ERBB4: variants seen among roughly 807,000 people sequenced by gnomAD.
ERBB4 encodes the protein receptor tyrosine-protein kinase erbB-4.
A neutral mutation model predicts 158.0 loss-of-function variants in ERBB4; 42 were observed. The ratio of observed to expected loss-of-function variants is 0.27; its 90% CI spans 0.21 to 0.34. The LOEUF is 0.34. Ranked by LOEUF, ERBB4 falls within the 10% of genes least tolerant of loss-of-function variation. ERBB4 has a pLI of 1.00. For missense variants in ERBB4, 1,333 were observed against 1,624.1 expected, an observed-to-expected ratio of 0.82 and a Z score of 3.08; for synonymous variants, 583 against 558.7, an observed-to-expected ratio of 1.04 and a Z score of -0.61.
At chr2:212,121,905 C>A (rs1431975285) in intron 2 of ERBB4, among the ~76,000 whole-genome samples, 1 of 152,086 alleles carries the variant, frequency 6.6e-6, no homozygotes, top group Non-Finnish European at 1.5e-5. Flanking sequence ...GGATTTAATT[C>A]AAGCACTCCT....
chr2:211,442,233 T>C (rs185408604), intron 20 of ERBB4, among the ~76,000 whole-genome samples: 6 of 152,228 alleles, frequency 3.9e-5, no homozygotes, highest in Non-Finnish European at 5.9e-5. Flanking sequence ...ACACTCTTCC[T>C]ACCATGCTAC....
intron 1 of ERBB4, among the ~76,000 whole-genome samples, chr2:212,172,172 T>C (rs2081537951): frequency 6.6e-6 from 1 of 152,032 alleles, no homozygotes; most frequent in Non-Finnish European, 1.5e-5. Flanking sequence ...AAGCTCAATA[T>C]CACTGATCAT....
At chr2:212,503,417 G>A (rs956180157) in intron 1 of ERBB4, among the ~76,000 whole-genome samples, 1 of 152,102 alleles carries the variant, frequency 6.6e-6, no homozygotes, top group Non-Finnish European at 1.5e-5. Flanking sequence ...GCAAACACAG[G>A]TGTTAAGTAA....
chr2:212,538,385 G>A (rs1693227772), intron 1 of ERBB4, 64 bp downstream of exon 1: 1 of 1,411,356 alleles, frequency 7.1e-7, no homozygotes, highest in Non-Finnish European at 1.0e-6. Context: ...GGGCAGGGGA[G>A]CCACTCGAGG....
chr2:212,045,987 C>T (rs1418046062), intron 2 of ERBB4, among the ~76,000 whole-genome samples: 1 of 152,184 alleles, frequency 6.6e-6, no homozygotes, highest in Non-Finnish European at 1.5e-5. Flanking sequence ...CCGTCTTAGA[C>T]TCACTGGTAT....
At chr2:212,354,639 TACAG>T (rs1385053447) in intron 1 of ERBB4, among the ~76,000 whole-genome samples, 1 of 152,112 alleles carries the variant, frequency 6.6e-6, no homozygotes, top group Non-Finnish European at 1.5e-5. Context: ...CAAATCTGTT[TACAG>T]ACAGAGAGTG....
intron 1 of ERBB4, among the ~76,000 whole-genome samples, chr2:212,213,809 T>C (rs1359541271): frequency 1.3e-5 from 2 of 151,826 alleles, no homozygotes; most frequent in Non-Finnish European, 2.9e-5. Flanking sequence ...GGCTATTTAA[T>C]TGCTTTCTAT....
At chr2:212,128,466 G>A (rs960051910) in intron 1 of ERBB4, among the ~76,000 whole-genome samples, 2 of 152,162 alleles carry the variant, frequency 1.3e-5, no homozygotes, top group South Asian at 2.1e-4. Context: ...GCTAAAATAT[G>A]AGCCATCATC....
chr2:212,487,235 G>A (rs1212746093), intron 1 of ERBB4, among the ~76,000 whole-genome samples: 8 of 152,034 alleles, frequency 5.3e-5, no homozygotes, highest in Admixed American at 5.2e-4. Flanking sequence ...TCTGTTTAAA[G>A]CTGTAATTCA....
chr2:211,876,413 T>C lies in ERBB4; in HGVS notation c.421+71017A>G, dbSNP rs577500429. On this transcript the variant is annotated intron_variant, in intron 3 of 27. Coordinates refer to ENST00000342788, the MANE Select transcript of ERBB4 (RefSeq NM_005235.3). Reference sequence around the variant, plus strand: ...TACACTTTCACCATTATGCGATGTGTATTCATACTGGAGCCTTGTTTATTT... The same window carrying C: ...TACACTTTCACCATTATGCGATGTGCATTCATACTGGAGCCTTGTTTATTT... Among the ~76,000 whole-genome samples the C allele has an allele frequency of 1.1e-4, 16 of 152,280 alleles. No individual in the cohort carries two copies. The South Asian group carries it at 1.9e-3, about 18-fold the overall frequency.
At chr2:211,602,088 G>C (rs985414096) in intron 19 of ERBB4, among the ~76,000 whole-genome samples, 7 of 152,212 alleles carry the variant, frequency 4.6e-5, no homozygotes, top group Middle Eastern at 6.8e-3. Flanking sequence ...TTCTGGCACA[G>C]GTTTGGGAGT....
At chr2:211,818,626 A>G (rs79366460) in intron 3 of ERBB4, among the ~76,000 whole-genome samples, 6,688 of 152,216 alleles carry the variant, frequency 0.044, 250 homozygotes, top group Non-Finnish European at 0.066. Context: ...ATAAAGGATA[A>G]TATCTCTGAC....
At chr2:211,759,322 C>T (rs559169436) in intron 4 of ERBB4, among the ~76,000 whole-genome samples, 1 of 152,236 alleles carries the variant, frequency 6.6e-6, no homozygotes, top group African/African-American at 2.4e-5. Context: ...CACCCTGGCC[C>T]CTTTACAATC....
intron 3 of ERBB4, among the ~76,000 whole-genome samples, chr2:211,875,125 G>T (rs1388215192): frequency 1.4e-5 from 2 of 142,366 alleles, no homozygotes; most frequent in African/African-American, 2.6e-5. Context: ...AGACATATCT[G>T]CATTTCTTTG....
intron 1 of ERBB4, among the ~76,000 whole-genome samples, chr2:212,333,258 G>C (rs2088265383): frequency 1.3e-5 from 2 of 151,954 alleles, no homozygotes; most frequent in African/African-American, 4.8e-5. Context: ...TGGAGTCCCA[G>C]TTGATCATCC....
chr2:212,475,607 G>A (rs141475494), intron 1 of ERBB4, among the ~76,000 whole-genome samples: 1 of 151,980 alleles, frequency 6.6e-6, no homozygotes. Context: ...ACCTACTCAT[G>A]AATCTCTTTC....
chr2:211,556,338 G>A (rs771399201), intron 20 of ERBB4, among the ~76,000 whole-genome samples: 4 of 151,904 alleles, frequency 2.6e-5, no homozygotes, highest in African/African-American at 7.3e-5. Flanking sequence ...CAATAATAGC[G>A]GGAAACTTCA....
intron 1 of ERBB4, among the ~76,000 whole-genome samples, chr2:212,159,765 C>T (rs901613950): frequency 2.0e-5 from 3 of 151,912 alleles, no homozygotes; most frequent in Non-Finnish European, 4.4e-5. Flanking sequence ...GTACTATTTT[C>T]CAATCCAGCA....
In ERBB4 at chr2:212,281,948, T is replaced by C. The variant is rs1327476360; in HGVS notation, c.83-157045A>G. ...TGCCACTCAATACACGATACGTTTA[T>C]AAAACTAAAAGTCAAAAAAAGTATG... is the stretch of plus-strand genomic sequence containing the variant. On this transcript the variant is annotated intron_variant, in intron 1 of 27. Transcript: ENST00000342788. Among the ~76,000 whole-genome samples the C allele has an allele frequency of 2.6e-5, 4 of 151,814 alleles. No homozygotes were observed. In the East Asian group the frequency reaches 7.7e-4, roughly 29 times the overall value.
Sources: allele counts gnomAD v4.1 joint callset (sites outside exome capture counted in the v4.1 genomes callset), GRCh38; gene constraint gnomAD v4.1.1; transcripts MANE v1.5; gene names NCBI Gene and HGNC (gene_info 2026-07-23, HGNC 2026-07-21).